Variants in GXYLT2 observed in about 807,000 individuals in gnomAD.
GXYLT2 encodes the protein glycosyltransferase 8 domain containing 4.
GXYLT2 carries 53 observed loss-of-function variants against 45.8 expected under a neutral mutation model. The ratio of observed to expected loss-of-function variants is 1.16; its 90% confidence interval spans 0.93 to 1.46. The LOEUF is 1.46. GXYLT2 is among the 40% of genes most tolerant of loss of function. The pLI is 0.00. For missense variants in GXYLT2, 551 were observed against 544.4 expected, an observed-to-expected ratio of 1.01 and a Z score of -0.12; for synonymous variants, 219 against 214.2, an observed-to-expected ratio of 1.02 and a Z score of -0.19.
intron 2 of GXYLT2, among the ~76,000 whole-genome samples, chr3:72,914,112 C>T (rs1309937889): frequency 6.6e-6 from 1 of 152,104 alleles, no homozygotes; most frequent in Admixed American, 6.6e-5. Flanking sequence ...CTCAGGGCCA[C>T]ATATTTTTTA....
intron 5 of GXYLT2, among the ~76,000 whole-genome samples, chr3:72,959,356 G>A (rs562857408): frequency 6.6e-5 from 10 of 151,682 alleles, no homozygotes; most frequent in Admixed American, 2.0e-4. Flanking sequence ...GACCTCATGT[G>A]ATCCACCTGC....
intron 6 of GXYLT2, among the ~76,000 whole-genome samples, chr3:72,971,291 A>C (rs1240186840): frequency 6.6e-6 from 1 of 152,192 alleles, no homozygotes; most frequent in Non-Finnish European, 1.5e-5. Context: ...GTTGGGCCTG[A>C]AAATATAGTT....
At chr3:72,888,686 T>C (rs1240665891) in intron 1 of GXYLT2, among the ~76,000 whole-genome samples, 178 bp downstream of exon 1, 3 of 152,174 alleles carry the variant, frequency 2.0e-5, no homozygotes, top group Non-Finnish European at 4.4e-5. Context: ...GGAGTCCCCC[T>C]AACAGCTCGG....
intron 5 of GXYLT2, among the ~76,000 whole-genome samples, chr3:72,964,161 C>G (rs1303084520): frequency 6.6e-6 from 1 of 152,032 alleles, no homozygotes; most frequent in African/African-American, 2.4e-5. Context: ...TTCTAACTTA[C>G]CACGATTATA....
chr3:72,956,531 C>G (rs992211364), intron 4 of GXYLT2, among the ~76,000 whole-genome samples: 2 of 152,122 alleles, frequency 1.3e-5, no homozygotes, highest in Admixed American at 6.6e-5. Context: ...AGGAAATAAG[C>G]CTAAGAAAGA....
intron 3 of GXYLT2, among the ~76,000 whole-genome samples, chr3:72,946,096 G>C (rs936779598): frequency 6.6e-6 from 1 of 151,884 alleles, no homozygotes; most frequent in Non-Finnish European, 1.5e-5. Context: ...GGGCAACATA[G>C]CGAGACCTTG....
chr3:72,973,259 G>A (rs983501507), intron 6 of GXYLT2, among the ~76,000 whole-genome samples: 1 of 152,180 alleles, frequency 6.6e-6, no homozygotes, highest in Non-Finnish European at 1.5e-5. Flanking sequence ...TTATCAGATG[G>A]AGGCAGCCCA....
At chr3:72,943,071 C>T (rs1710329083) in intron 3 of GXYLT2, among the ~76,000 whole-genome samples, 2 of 152,116 alleles carry the variant, frequency 1.3e-5, no homozygotes, top group African/African-American at 4.8e-5. Flanking sequence ...TTTAAAAACA[C>T]AGCCAGACAC....
intron 6 of GXYLT2, among the ~76,000 whole-genome samples, chr3:72,970,658 G>A (rs1278426697): frequency 8.6e-5 from 13 of 151,852 alleles, no homozygotes; most frequent in East Asian, 1.9e-4. Context: ...TCGGGAGTTC[G>A]AGACCAGCCT....
At chr3:72,959,170 T>G (rs1209602987) in intron 5 of GXYLT2, among the ~76,000 whole-genome samples, 2 of 133,476 alleles carry the variant, frequency 1.5e-5, no homozygotes, top group African/African-American at 2.9e-5. Flanking sequence ...TAGGCTGGAG[T>G]GCAGTGGCAT....
intron 1 of GXYLT2, 61 bp from the exon 2 acceptor site, chr3:72,908,306 T>G: frequency 2.4e-6 from 3 of 1,272,258 alleles, no homozygotes; most frequent in Middle Eastern, 2.8e-4. Context: ...CTCGCCGGTT[T>G]TTTGTTGTTT....
At chr3:72,916,603 G>C (rs1318428688) in intron 2 of GXYLT2, among the ~76,000 whole-genome samples, 8 of 152,026 alleles carry the variant, frequency 5.3e-5, no homozygotes, top group African/African-American at 1.9e-4. Context: ...GTAGTGGCGT[G>C]ATCTCCACTC....
chr3:72,920,704 GGAAAT>G (rs1709816480), intron 2 of GXYLT2, among the ~76,000 whole-genome samples: 1 of 151,540 alleles, frequency 6.6e-6, no homozygotes, highest in South Asian at 2.1e-4. Flanking sequence ...TGTAGCCCGA[GGAAAT>G]GAAACCACCA....
chr3:72,972,072 CT>C (rs1710996289), intron 6 of GXYLT2, among the ~76,000 whole-genome samples: 2 of 150,292 alleles, frequency 1.3e-5, no homozygotes, highest in South Asian at 4.2e-4. Context: ...ATACCTTTTT[CT>C]TTTTCTCCCT....
At chr3:72,925,098 T>A (rs1357041631) in intron 3 of GXYLT2, among the ~76,000 whole-genome samples, 1 of 152,088 alleles carries the variant, frequency 6.6e-6, no homozygotes, top group African/African-American at 2.4e-5. Context: ...GGATGAATTG[T>A]TGGCAGCGAT....
At chr3:72,910,924 T>C (rs1221106139) in intron 2 of GXYLT2, among the ~76,000 whole-genome samples, 1 of 152,134 alleles carries the variant, frequency 6.6e-6, no homozygotes, top group Non-Finnish European at 1.5e-5. Context: ...CAGTACTTAA[T>C]GAGTACCTGC....
chr3:72,909,804 C>T (rs996164594), intron 2 of GXYLT2, among the ~76,000 whole-genome samples: 2 of 152,096 alleles, frequency 1.3e-5, no homozygotes, highest in African/African-American at 4.8e-5. Context: ...GGTGGCAGAG[C>T]GAGAAGCTGG....
chr3:72,905,366 C>T (rs1238792638), intron 1 of GXYLT2, among the ~76,000 whole-genome samples: 1 of 152,164 alleles, frequency 6.6e-6, no homozygotes, highest in Non-Finnish European at 1.5e-5. Flanking sequence ...GGTCTGCCCG[C>T]CTCGAACTCC....
At chr3:72,964,651 C>T (rs1710831322) in intron 5 of GXYLT2, among the ~76,000 whole-genome samples, 1 of 152,152 alleles carries the variant, frequency 6.6e-6, no homozygotes, top group South Asian at 2.1e-4. Flanking sequence ...AAGCCCTAAA[C>T]TACTTGGAAA....
Sources: allele counts gnomAD v4.1 joint callset (sites outside exome capture counted in the v4.1 genomes callset), GRCh38; gene constraint gnomAD v4.1.1; transcripts MANE v1.5; gene names NCBI Gene and HGNC (gene_info 2026-07-23, HGNC 2026-07-21).